Variants in PPP1R1C observed in about 807,000 individuals in gnomAD.
PPP1R1C encodes the protein protein phosphatase 1 regulatory inhibitor subunit 1C.
Under a neutral mutation model 17.4 loss-of-function variants are expected in PPP1R1C, and 15 were observed. The ratio of observed to expected loss-of-function variants is 0.86; its 90% CI spans 0.58 to 1.33. The LOEUF (loss-of-function observed/expected upper bound fraction) is 1.33. Among genes scored for constraint, PPP1R1C ranks in the 40% most tolerant of loss-of-function variants. PPP1R1C has a pLI of 0.00. For synonymous variants in PPP1R1C, 35 were observed against 43.1 expected, an observed-to-expected ratio of 0.81 and a Z score of 0.73; for missense variants, 143 against 130.0, an observed-to-expected ratio of 1.10 and a Z score of -0.48.
intron 4 of PPP1R1C, among the ~76,000 whole-genome samples, chr2:182,113,185 C>A (rs560043407): frequency 1.3e-5 from 2 of 152,256 alleles, no homozygotes; most frequent in African/African-American, 2.4e-5. Context: ...TATTTCTGGG[C>A]AAACATAAAG....
At chr2:182,044,870 A>G (rs1204082937) in intron 2 of PPP1R1C, among the ~76,000 whole-genome samples, 1 of 152,188 alleles carries the variant, frequency 6.6e-6, no homozygotes, top group East Asian at 1.9e-4. Context: ...CTGCATTTAA[A>G]TGTGTTTTTA....
At position 182,093,144 on chromosome 2, in the gene PPP1R1C, C is replaced by A. The variant is rs367822436; in HGVS notation, c.242-24063C>A. On this transcript the variant is annotated intron_variant, in intron 4 of 4. Coordinates refer to ENST00000682840, the MANE Select transcript of PPP1R1C (RefSeq NM_001080545.3). The stretch of plus-strand genomic sequence containing the variant: ...ATCCTTTAAAATCTAGGTGGAGGTT[C>A]CCAAACCACAATTCTTGACTTCTGT... 5.9e-5 allele frequency among the ~76,000 whole-genome samples: 9 copies of A among 152,288 alleles called. No individual in the cohort carries two copies. The East Asian group carries it at 1.5e-3, about 26-fold the overall frequency.
At chr2:181,981,521 A>C (rs955589633), upstream of PPP1R1C, among the ~76,000 whole-genome samples, 5 of 152,224 alleles carry the variant, frequency 3.3e-5, no homozygotes, top group African/African-American at 1.2e-4. Flanking sequence ...TTAAATGAGC[A>C]CTTGGAAAGA....
At chr2:182,011,284 A>G (rs1686081535) in intron 2 of PPP1R1C, among the ~76,000 whole-genome samples, 1 of 152,024 alleles carries the variant, frequency 6.6e-6, no homozygotes, top group Admixed American at 6.6e-5. Flanking sequence ...TAATGGCTTC[A>G]ATCTCATTAC....
chr2:182,080,579 G>T lies in PPP1R1C; in HGVS notation c.241+16788G>T, dbSNP rs115160203. ...GTAATACACATTCACACATATTTCA[G>T]ATAGAAACAGAACTATATTTCCTCT... On this transcript the variant is annotated intron_variant, in intron 4 of 4. Coordinates refer to ENST00000682840, the MANE Select transcript of PPP1R1C (RefSeq NM_001080545.3). 6.6e-3 allele frequency among the ~76,000 whole-genome samples: 1,004 copies of T among 152,224 alleles called. 8 individuals carry two copies. Among genetic ancestry groups the T allele is most frequent in the South Asian group, 0.027 (130 of 4,820 alleles).
chr2:182,088,294 AG>A (rs1048337942), intron 4 of PPP1R1C, among the ~76,000 whole-genome samples: 4 of 152,170 alleles, frequency 2.6e-5, no homozygotes, highest in African/African-American at 9.7e-5. Context: ...TTTCCTACTC[AG>A]GGCCTTTACT....
intron 2 of PPP1R1C, among the ~76,000 whole-genome samples, chr2:182,045,381 T>C (rs113831427): frequency 5.7e-4 from 86 of 151,956 alleles, no homozygotes; most frequent in African/African-American, 1.9e-3. Context: ...TAAAAACTTA[T>C]AGAAAGTGAA....
Position 181,986,979 on chromosome 2 carries a change from T to G in PPP1R1C, c.81+788T>G, listed in dbSNP as rs144439293. Among the ~76,000 whole-genome samples the G allele has an allele frequency of 3.7e-3, 568 of 152,322 alleles. 4 individuals carry two copies. Among genetic ancestry groups the G allele is most frequent in the Non-Finnish European group, 6.8e-3 (464 of 68,018 alleles). On this transcript the variant is annotated intron_variant, in intron 1 of 4. Coordinates refer to ENST00000682840, the MANE Select transcript of PPP1R1C (RefSeq NM_001080545.3). Reference sequence around the variant, plus strand: ...TTTCCAAGTATTTGATATAAAGTCTTAAAAATAATTATTTAATCCGTGACT... The same window carrying G: ...TTTCCAAGTATTTGATATAAAGTCTGAAAAATAATTATTTAATCCGTGACT...
intron 4 of PPP1R1C, among the ~76,000 whole-genome samples, chr2:182,109,928 A>G (rs1689367852): frequency 6.6e-6 from 1 of 152,184 alleles, no homozygotes; most frequent in Non-Finnish European, 1.5e-5. Flanking sequence ...GCATATCAGG[A>G]CTGACATATA....
chr2:181,963,982 G>T (rs1294596376), intron 1 of PPP1R1C, among the ~76,000 whole-genome samples: 1 of 151,950 alleles, frequency 6.6e-6, no homozygotes, highest in Non-Finnish European at 1.5e-5. Flanking sequence ...ATAACTTTTA[G>T]TTATTTTAAA....
intron 2 of PPP1R1C, among the ~76,000 whole-genome samples, chr2:182,037,080 A>G (rs555615544): frequency 2.0e-5 from 3 of 152,242 alleles, no homozygotes; most frequent in Non-Finnish European, 4.4e-5. Flanking sequence ...AAACATATAC[A>G]TAAAATAGCT....
intron 4 of PPP1R1C, among the ~76,000 whole-genome samples, chr2:182,084,877 A>G (rs939167113): frequency 6.6e-6 from 1 of 152,088 alleles, no homozygotes; most frequent in Non-Finnish European, 1.5e-5. Flanking sequence ...TGATTCTTCT[A>G]ATTCATGAGC....
At chr2:181,979,515 GC>G (rs1372921527) in intron 2 of PPP1R1C, among the ~76,000 whole-genome samples, 1 of 152,114 alleles carries the variant, frequency 6.6e-6, no homozygotes, top group Non-Finnish European at 1.5e-5. Context: ...AAATCAAATT[GC>G]CATACTCTCT....
chr2:182,126,385 A>G (rs1048741135), intron 5 of PPP1R1C, among the ~76,000 whole-genome samples: 7 of 152,070 alleles, frequency 4.6e-5, no homozygotes, highest in Non-Finnish European at 1.0e-4. Context: ...AAGCTCCATT[A>G]GTTGCATTAA....
At chr2:181,963,406 C>T (rs1293977529) in intron 1 of PPP1R1C, among the ~76,000 whole-genome samples, 4 of 152,154 alleles carry the variant, frequency 2.6e-5, no homozygotes, top group Admixed American at 6.5e-5. Flanking sequence ...TTTGGGGGGC[C>T]GAAGCGGGTG....
At chr2:182,124,707 G>T (rs1689832150) in intron 5 of PPP1R1C, among the ~76,000 whole-genome samples, 1 of 151,994 alleles carries the variant, frequency 6.6e-6, no homozygotes, top group African/African-American at 2.4e-5. Context: ...GTCTATTATT[G>T]GTGTATAGGA....
intron 2 of PPP1R1C, among the ~76,000 whole-genome samples, chr2:182,026,824 G>T (rs1197584112): frequency 1.3e-5 from 2 of 150,540 alleles, no homozygotes; most frequent in African/African-American, 2.5e-5. Context: ...TCACGATATT[G>T]ATTCTTCCTA....
rs144128589 is a variant in PPP1R1C at position 182,040,353 on chromosome 2, G to C, written c.143-21089G>C. Among the ~76,000 whole-genome samples the C allele has an allele frequency of 7.5e-4, 114 of 152,248 alleles. 1 individual carries two copies. The highest frequency in any genetic ancestry group is 2.7e-3 in the African/African-American group (111 of 41,556). ...TTTTTAATAGTGGTCATTCTTGCAG[G>C]AGTAAGGTGTATCTCATTGTGGTTT... On this transcript the variant is annotated intron_variant, in intron 2 of 4. Transcript: ENST00000682840.
intron 4 of PPP1R1C, chr2:182,064,077 C>T (rs1439978793): frequency 2.8e-6 from 1 of 362,440 alleles, no homozygotes; most frequent in Non-Finnish European, 5.0e-6. Context: ...CGCATACTTC[C>T]TTAAAGAGAT....
Sources: allele counts gnomAD v4.1 joint callset (sites outside exome capture counted in the v4.1 genomes callset), GRCh38; gene constraint gnomAD v4.1.1; transcripts MANE v1.5; gene names NCBI Gene and HGNC (gene_info 2026-07-23, HGNC 2026-07-21).